GTF2F2: variants seen among roughly 807,000 people sequenced by gnomAD.
The protein encoded by GTF2F2 is general transcription factor IIF subunit 2.
In GTF2F2, 23 loss-of-function variants were observed where a neutral mutation model predicts 42.2. The ratio of observed to expected loss-of-function variants is 0.55; its 90% CI spans 0.39 to 0.77. The LOEUF (loss-of-function observed/expected upper bound fraction) is 0.77, where lower values mean the gene tolerates loss of function less well. Among genes scored for constraint, GTF2F2 ranks in the 30% least tolerant of loss-of-function variants. The pLI, the probability that GTF2F2 is intolerant of heterozygous loss-of-function variation, is 0.00. For synonymous variants in GTF2F2, 105 were observed against 100.8 expected (o/e 1.04, Z -0.25); for missense variants, 261 against 287.2 (o/e 0.91, Z 0.66).
chr13:45,124,132 A>G (rs1868840284), intron 1 of GTF2F2: 2 of 672,562 alleles, frequency 3.0e-6, no homozygotes, highest in Admixed American at 1.8e-5. Context: ...CAGCCCCAGC[A>G]TCTAAGGTGG....
intron 5 of GTF2F2, among the ~76,000 whole-genome samples, chr13:45,214,265 C>G (rs1040032186): frequency 6.6e-6 from 1 of 152,092 alleles, no homozygotes; most frequent in Non-Finnish European, 1.5e-5. Context: ...TAACCATATT[C>G]ATCAAATGTA....
chr13:45,266,856 G>A (rs940192120), intron 6 of GTF2F2, among the ~76,000 whole-genome samples: 11 of 152,184 alleles, frequency 7.2e-5, no homozygotes, highest in African/African-American at 2.7e-4. Flanking sequence ...TGACTCAAAA[G>A]AGAATGCCTG....
chr13:45,189,270 A>T (rs1872540791), intron 4 of GTF2F2, among the ~76,000 whole-genome samples: 1 of 152,082 alleles, frequency 6.6e-6, no homozygotes, highest in Admixed American at 6.5e-5. Flanking sequence ...TCCATCATGT[A>T]TATGTGCCAC....
chr13:45,284,422 T>C lies in GTF2F2; in HGVS notation c.*861T>C, dbSNP rs1260304262. 1 of 152,106 alleles carries C rather than the reference T, an allele frequency of 6.6e-6. No homozygotes were observed. The highest frequency in any genetic ancestry group is 2.4e-5 in the African/African-American group (1 of 41,422). 9.4% of individuals were successfully genotyped at this position (152,106 alleles called of 1,614,324 possible). A position where few individuals can be genotyped will look rare whatever the true frequency, so the allele number is the denominator to read the frequency against. On this transcript the variant is annotated 3_prime_UTR_variant, in exon 8 of 8. Coordinates refer to ENST00000340473, the MANE Select transcript of GTF2F2 (RefSeq NM_004128.3). ...TTTCAATTCCTGGGGCATTAAAATGTTGCTTTTCTCTTTCTCTTTAATTAA... is the reference window on the plus strand; with the variant it reads ...TTTCAATTCCTGGGGCATTAAAATGCTGCTTTTCTCTTTCTCTTTAATTAA...
intron 5 of GTF2F2, among the ~76,000 whole-genome samples, chr13:45,248,271 A>G (rs1424242727): frequency 6.6e-6 from 1 of 152,210 alleles, no homozygotes; most frequent in Admixed American, 6.5e-5. Context: ...TATGACTAGA[A>G]TAGCAATTAT....
chr13:45,218,100 G>A (rs190429246), intron 5 of GTF2F2, among the ~76,000 whole-genome samples: 4 of 152,328 alleles, frequency 2.6e-5, no homozygotes, highest in African/African-American at 9.6e-5. Context: ...ACCATTTATA[G>A]ATTGGCCCCA....
chr13:45,220,670 A>G (rs749790524), intron 5 of GTF2F2, among the ~76,000 whole-genome samples: 30 of 152,250 alleles, frequency 2.0e-4, no homozygotes, highest in Admixed American at 2.6e-4. Flanking sequence ...GGACAGAAAA[A>G]GGAATACATA....
At chr13:45,210,148 G>C (rs568175965) in intron 5 of GTF2F2, among the ~76,000 whole-genome samples, 1 of 152,126 alleles carries the variant, frequency 6.6e-6, no homozygotes, top group Non-Finnish European at 1.5e-5. Context: ...CACTTGCAGT[G>C]CTTCCTATAT....
At chr13:45,207,545 C>G (rs894518183) in intron 5 of GTF2F2, 40 bp downstream of exon 5, 2 of 1,217,278 alleles carry the variant, frequency 1.6e-6, no homozygotes, top group African/African-American at 3.0e-5. Context: ...CTGATATTTC[C>G]CTTTGGGGAT....
intron 6 of GTF2F2, chr13:45,263,543 T>A (rs1210175082): frequency 6.6e-6 from 1 of 152,176 alleles, no homozygotes; most frequent in East Asian, 1.9e-4. Flanking sequence ...ACAACATTTT[T>A]AAGAGTTTTT....
At chr13:45,198,960 G>A (rs1213643112) in intron 4 of GTF2F2, among the ~76,000 whole-genome samples, 2 of 152,096 alleles carry the variant, frequency 1.3e-5, no homozygotes, top group Non-Finnish European at 2.9e-5. Flanking sequence ...TTCTTTTTGA[G>A]TGTCCAAATT....
At chr13:45,221,230 C>T (rs1319099588) in intron 5 of GTF2F2, among the ~76,000 whole-genome samples, 1 of 152,048 alleles carries the variant, frequency 6.6e-6, no homozygotes. Flanking sequence ...GGGAGTTATC[C>T]ATGATTCTTC....
In GTF2F2 at chr13:45,194,359, G is replaced by A. The variant is rs200076066; in HGVS notation, c.305-13065G>A. On this transcript the variant is annotated intron_variant, in intron 4 of 7. Coordinates refer to ENST00000340473, the MANE Select transcript of GTF2F2 (RefSeq NM_004128.3). ...GAAATAATGACCATCAGCATCAAAC[G>A]GGCAGAGGATTTTTCCATTTACTAT... is the stretch of plus-strand genomic sequence containing the variant. 9.2e-5 allele frequency: 148 copies of A among 1,613,956 alleles called. No individual in the cohort carries two copies. The highest frequency in any genetic ancestry group is 1.2e-4 in the Non-Finnish European group (138 of 1,179,960).
intron 4 of GTF2F2, among the ~76,000 whole-genome samples, chr13:45,190,393 G>C (rs1566128848): frequency 6.6e-6 from 1 of 152,188 alleles, no homozygotes; most frequent in South Asian, 2.1e-4. Context: ...CACCTACCTT[G>C]TGAATGCCTG....
At chr13:45,227,034 A>G in intron 5 of GTF2F2, among the ~76,000 whole-genome samples, 1 of 152,166 alleles carries the variant, frequency 6.6e-6, no homozygotes, top group South Asian at 2.1e-4. Context: ...TGGAAGGTCA[A>G]GGCTGCAGTG....
At chr13:45,191,268 C>A (rs1872642825) in intron 4 of GTF2F2, among the ~76,000 whole-genome samples, 1 of 127,816 alleles carries the variant, frequency 7.8e-6, no homozygotes, top group African/African-American at 3.5e-5. Context: ...CATAATCTCA[C>A]ATTTTAAGGA....
intron 1 of GTF2F2, among the ~76,000 whole-genome samples, chr13:45,131,426 G>A (rs1708138216): frequency 1.3e-5 from 2 of 152,162 alleles, no homozygotes; most frequent in Non-Finnish European, 2.9e-5. Context: ...CTCAGATATT[G>A]TTGTTAAGTA....
chr13:45,239,082 C>A (rs1875148696), intron 5 of GTF2F2, among the ~76,000 whole-genome samples: 1 of 152,110 alleles, frequency 6.6e-6, no homozygotes, highest in African/African-American at 2.4e-5. Context: ...CTCACAGATT[C>A]ATGAGAAGCA....
At chr13:45,188,027 T>C (rs1305812458) in intron 4 of GTF2F2, among the ~76,000 whole-genome samples, 1 of 152,150 alleles carries the variant, frequency 6.6e-6, no homozygotes, top group Non-Finnish European at 1.5e-5. Flanking sequence ...TGCCGCAGCC[T>C]CCCAAGTAGC....
Sources: gnomAD v4.1 joint callset for allele counts (sites outside exome capture counted in the v4.1 genomes callset) on GRCh38, gnomAD v4.1.1 for gene constraint, MANE v1.5 for transcripts, NCBI Gene and HGNC (gene_info 2026-07-23, HGNC 2026-07-21) for gene names.